Variants in BLTP1 observed in about 807,000 individuals in gnomAD.
The protein encoded by BLTP1 is bridge-like lipid transfer protein family member 1, also known as fragile site-associated protein.
the BLTP1 span, chr4:122,305,254 A>G: frequency 2.0e-6 from 2 of 978,280 alleles, no homozygotes; most frequent in African/African-American, 3.5e-5. Context: ...TTATTTTGCT[A>G]AACATTTTTT....
At chr4:122,259,654 G>GTTGA in the BLTP1 span, among the ~76,000 whole-genome samples, 1 of 152,154 alleles carries the variant, frequency 6.6e-6, no homozygotes, top group African/African-American at 2.4e-5. Flanking sequence ...AAGGTCAGGA[G>GTTGA]TTCAAGACCA....
At chr4:122,205,024 T>G in the BLTP1 span, 1 of 154,294 alleles carries the variant, frequency 6.5e-6, no homozygotes, top group African/African-American at 2.4e-5. Context: ...TCATTTGACA[T>G]TAAGTATGTT....
the BLTP1 span, chr4:122,307,810 T>C: frequency 6.8e-7 from 1 of 1,473,358 alleles, no homozygotes; most frequent in Non-Finnish European, 8.9e-7. Flanking sequence ...TCTTAGATCT[T>C]TCCTAATTCT....
chr4:122,206,682 T>G, the BLTP1 span, among the ~76,000 whole-genome samples: 1 of 151,802 alleles, frequency 6.6e-6, no homozygotes, highest in Non-Finnish European at 1.5e-5. Flanking sequence ...ATGCCAAATT[T>G]ATGTAAACGT....
the BLTP1 span, chr4:122,247,873 T>A: frequency 1.0e-6 from 1 of 976,592 alleles, no homozygotes; most frequent in Non-Finnish European, 1.2e-6. Flanking sequence ...TTGATTCTTA[T>A]TTAGCACATT....
the BLTP1 span, chr4:122,214,523 T>G: frequency 1.1e-6 from 1 of 950,434 alleles, no homozygotes; most frequent in African/African-American, 1.8e-5. Flanking sequence ...TTATTAATCT[T>G]AAAGTACCAT....
chr4:122,217,211 G>A, the BLTP1 span, among the ~76,000 whole-genome samples: 7 of 152,128 alleles, frequency 4.6e-5, no homozygotes, highest in South Asian at 8.3e-4. Context: ...ATTGGTCTGC[G>A]TGCCTGTTTT....
the BLTP1 span, chr4:122,207,698 A>G: frequency 7.4e-7 from 1 of 1,355,964 alleles, no homozygotes; most frequent in South Asian, 1.2e-5. Context: ...TGATTTCCCA[A>G]AGCTTATCTT....
chr4:122,254,166 A>G, the BLTP1 span: 2 of 1,607,360 alleles, frequency 1.2e-6, no homozygotes, highest in South Asian at 1.1e-5. Flanking sequence ...CTGTATGTTA[A>G]TAAGTTTTTG....
the BLTP1 span, among the ~76,000 whole-genome samples, chr4:122,297,280 C>T: frequency 0.064 from 9,800 of 152,088 alleles, 895 homozygotes; most frequent in African/African-American, 0.21. Flanking sequence ...AAGACATTCA[C>T]GTGGCCAACA....
At chr4:122,348,813 A>C in the BLTP1 span, 1 of 805,882 alleles carries the variant, frequency 1.2e-6, no homozygotes, top group South Asian at 2.3e-5. Flanking sequence ...TGAATGCTAA[A>C]TATTTGAAAA....
the BLTP1 span, chr4:122,344,569 A>G: frequency 3.9e-6 from 6 of 1,551,062 alleles, no homozygotes; most frequent in Non-Finnish European, 5.3e-6. Context: ...CTGGTACTCA[A>G]TTTTATAGTT....
At chr4:122,195,787 G>A in the BLTP1 span, 4 of 339,800 alleles carry the variant, frequency 1.2e-5, no homozygotes, top group South Asian at 3.5e-4. Context: ...TTAATTTAAC[G>A]GTAGCAAGTT....
the BLTP1 span, chr4:122,349,381 T>A: frequency 1.8e-5 from 28 of 1,559,744 alleles, no homozygotes; most frequent in Admixed American, 2.8e-4. This position sits in a 1 kb window ranked among gnomAD's most constrained non-coding sequence, Gnocchi z 4.5. Flanking sequence ...AAAATGCTTT[T>A]GGAGATGGAT....
chr4:122,357,779 T>G, the BLTP1 span, among the ~76,000 whole-genome samples: 9 of 152,204 alleles, frequency 5.9e-5, no homozygotes, highest in African/African-American at 2.2e-4. Flanking sequence ...ATAAATAACT[T>G]GGAATAAATG....
At chr4:122,355,989 G>C in the BLTP1 span, 50 of 1,587,360 alleles carry the variant, frequency 3.1e-5, no homozygotes, top group Non-Finnish European at 4.0e-5. Flanking sequence ...CTTCATTACA[G>C]GGTATGTAGA....
chr4:122,243,268 A>T, the BLTP1 span, among the ~76,000 whole-genome samples: 2 of 152,330 alleles, frequency 1.3e-5, no homozygotes, highest in East Asian at 3.9e-4. Context: ...ACATGCTGTA[A>T]CTTGGCATAT....
the BLTP1 span, chr4:122,227,508 T>A: frequency 1.0e-6 from 1 of 983,122 alleles, no homozygotes; most frequent in Non-Finnish European, 1.2e-6. Context: ...AAAACATGGC[T>A]GTTTCAAAAG....
chr4:122,277,474 C>G, the BLTP1 span: 1 of 981,530 alleles, frequency 1.0e-6, no homozygotes. Context: ...TTTTGCTTTA[C>G]TTCTTTCTGC....
Sources: gnomAD v4.1 joint callset for allele counts (sites outside exome capture counted in the v4.1 genomes callset) on GRCh38, gnomAD v4.1.1 for gene constraint, Gnocchi (gnomAD v3.1) non-coding constraint, MANE v1.5 for transcripts, NCBI Gene and HGNC (gene_info 2026-07-23, HGNC 2026-07-21) for gene names.